The following DGKG variants were observed in gnomAD, a reference collection of about 807,000 sequenced individuals.
DGKG encodes the protein diacylglycerol kinase gamma.
Under a neutral mutation model 105.3 loss-of-function variants are expected in DGKG, and 78 were observed. That is an observed-to-expected ratio of 0.74 (90% CI 0.62 to 0.89). The LOEUF (loss-of-function observed/expected upper bound fraction) is 0.89. Among genes scored for constraint, DGKG ranks in the 40% least tolerant of loss-of-function variants. DGKG has a pLI of 0.00. For missense variants in DGKG, 958 were observed against 1,020.1 expected, an observed-to-expected ratio of 0.94 and a Z score of 0.83; for synonymous variants, 346 against 367.1, an observed-to-expected ratio of 0.94 and a Z score of 0.66.
At chr3:186,355,861 G>C (rs1006206203) in intron 1 of DGKG, among the ~76,000 whole-genome samples, 3 of 152,208 alleles carry the variant, frequency 2.0e-5, no homozygotes, top group African/African-American at 7.2e-5. Context: ...AGGGACTGAT[G>C]TTAATTCCAG....
intron 1 of DGKG, among the ~76,000 whole-genome samples, chr3:186,350,603 C>G (rs1430196652): frequency 1.3e-5 from 2 of 152,116 alleles, no homozygotes; most frequent in Non-Finnish European, 2.9e-5. Flanking sequence ...GGAGTATATA[C>G]CCAGATGTGT....
chr3:186,234,265 C>G (rs1296677178), intron 20 of DGKG, among the ~76,000 whole-genome samples: 1 of 152,196 alleles, frequency 6.6e-6, no homozygotes, highest in Non-Finnish European at 1.5e-5. Flanking sequence ...CCAGATTCAG[C>G]CTTTTGCTCG....
At chr3:186,314,748 C>G (rs554342999) in intron 2 of DGKG, among the ~76,000 whole-genome samples, 1 of 133,368 alleles carries the variant, frequency 7.5e-6, no homozygotes, top group Non-Finnish European at 1.6e-5. Flanking sequence ...AGTAAGACTC[C>G]GTCTCAAAAA....
rs202120237 is a variant in DGKG, at chr3:186,261,766, G to T, written c.1282C>A (p.Pro428Thr). The T allele has an allele frequency of 2.2e-5, 36 of 1,602,382 alleles. No homozygotes were observed. In the African/African-American group the frequency reaches 4.7e-4, roughly 21 times the overall value. Residue 428 changes from proline (P) to threonine (T), a missense_variant, in exon 15 of 25, where the codon CCC becomes ACC. Pro to Thr is a conservative substitution (Grantham distance 38). Around this residue, in one of 2 missense-constraint regions of DGKG, gnomAD observed 643 missense variants for 619.5 expected, o/e 1.04. Coordinates refer to ENST00000265022, the MANE Select transcript of DGKG (RefSeq NM_001346.3). ...GELVMQYKIIPTPGTHPLLVL... is the reference protein window; with the variant it reads ...GELVMQYKIITTPGTHPLLVL... ...AGCAGGGGGTGGGTACCCGGGGTGGGGATGATCTTATACTTGAAAGGTAAA... is the reference window on the plus strand; with the variant it reads ...AGCAGGGGGTGGGTACCCGGGGTGGTGATGATCTTATACTTGAAAGGTAAA...
At chr3:186,330,257 A>G (rs1055547063) in intron 1 of DGKG, among the ~76,000 whole-genome samples, 4 of 149,886 alleles carry the variant, frequency 2.7e-5, no homozygotes, top group African/African-American at 5.1e-5. Flanking sequence ...ATAAAGTTAT[A>G]ACAGATATAG....
intron 21 of DGKG, among the ~76,000 whole-genome samples, chr3:186,202,706 G>C (rs555753920): frequency 6.6e-6 from 1 of 152,352 alleles, no homozygotes; most frequent in Non-Finnish European, 1.5e-5. Context: ...AGTTGGCTGA[G>C]AGGATCTTCC....
intron 21 of DGKG, among the ~76,000 whole-genome samples, chr3:186,208,087 G>T (rs1718841372): frequency 1.3e-5 from 2 of 151,650 alleles, no homozygotes; most frequent in East Asian, 3.9e-4. Flanking sequence ...TGTTCCCCAG[G>T]CTGGAGTGCA....
Position 186,194,803 on chromosome 3 carries a change from T to TAAAAAAAAAAAAA in DGKG, c.1918-6437_1918-6425dup, listed in dbSNP as rs57878064. Among the ~76,000 whole-genome samples the TAAAAAAAAAAAAA allele has an allele frequency of 1.4e-3, 143 of 105,376 alleles. 2 individuals carry two copies. The highest frequency in any genetic ancestry group is 4.8e-3 in the African/African-American group (135 of 27,904). 69.1% of individuals were successfully genotyped at this position (105,376 alleles called of 152,430 possible). On this transcript the variant is annotated intron_variant, in intron 21 of 24. Coordinates refer to ENST00000265022, the MANE Select transcript of DGKG (RefSeq NM_001346.3). ...CCACGACTCTTTCTTGGTCTTTCTT[T>TAAAAAAAAAAAAA]AAAAAAAAAAAAAAAAAAAGCCGGG...
chr3:186,317,678 C>T (rs1205837075), intron 2 of DGKG, among the ~76,000 whole-genome samples: 1 of 152,146 alleles, frequency 6.6e-6, no homozygotes, highest in African/African-American at 2.4e-5. Context: ...AGTCTGGAAA[C>T]AATGCGTGCA....
rs1718958775 is a variant in DGKG at position 186,210,085 on chromosome 3, T to G, written c.1917+1710A>C. Among the ~76,000 whole-genome samples, 1 of 152,054 alleles carries G rather than the reference T, an allele frequency of 6.6e-6. No homozygotes were observed. On this transcript the variant is annotated intron_variant, in intron 21 of 24. Transcript: ENST00000265022. The surrounding 1 kb of genome is among the most constrained non-coding windows in gnomAD (Gnocchi z 5.2). ...GCGGTTGAGGAAGAGCCTCTGTCTC[T>G]CAAACCCAGAGGGGACTGTGGGGCC... is the stretch of plus-strand genomic sequence containing the variant.
intron 20 of DGKG, among the ~76,000 whole-genome samples, chr3:186,216,402 C>G (rs1719295501): frequency 6.6e-6 from 1 of 152,124 alleles, no homozygotes; most frequent in Non-Finnish European, 1.5e-5. Flanking sequence ...TATTTCTCCT[C>G]TTTTAACTCA....
chr3:186,192,157 T>C (rs2268854), intron 21 of DGKG, among the ~76,000 whole-genome samples: 72,812 of 152,006 alleles, frequency 0.48, 20,483 homozygotes, highest in East Asian at 0.74. Context: ...TACAGGTGCC[T>C]GTCACCACGC....
intron 1 of DGKG, among the ~76,000 whole-genome samples, chr3:186,351,916 C>T (rs888908312): frequency 1.3e-5 from 2 of 152,172 alleles, no homozygotes; most frequent in South Asian, 2.1e-4. Context: ...TTTGAGAAAT[C>T]GCTGAATGTT....
intron 1 of DGKG, among the ~76,000 whole-genome samples, chr3:186,346,682 T>TATA (rs376095096): frequency 6.6e-6 from 1 of 152,182 alleles, no homozygotes; most frequent in African/African-American, 2.4e-5. Context: ...TATACTATAC[T>TATA]CAGTTTTATT....
At chr3:186,262,345 C>A (rs1721818647) in intron 14 of DGKG, among the ~76,000 whole-genome samples, 1 of 152,148 alleles carries the variant, frequency 6.6e-6, no homozygotes, top group Admixed American at 6.5e-5. Context: ...TGAAACTCGG[C>A]CTTTCTCTTG....
chr3:186,200,163 T>G (rs1718378837), intron 21 of DGKG, among the ~76,000 whole-genome samples: 1 of 152,184 alleles, frequency 6.6e-6, no homozygotes. Flanking sequence ...TGAGGCTGTT[T>G]AGCTCAGTGA....
Position 186,147,382 on chromosome 3 carries a change from C to G in DGKG, c.*2708G>C. ...TAAGCCTTGTTCTCCTCATTGAGAT[C>G]GAGATAATAATACCTTCTCTGCTAA... On this transcript the variant is annotated 3_prime_UTR_variant, in exon 25 of 25. Transcript: ENST00000265022. The G allele has an allele frequency of 7.2e-6, 7 of 978,880 alleles. No homozygotes were observed. Among genetic ancestry groups the G allele is most frequent in the Non-Finnish European group, 8.5e-6 (7 of 823,698 alleles). The allele number at this position is 978,880 out of a possible 1,614,324, so 60.6% of individuals were successfully genotyped here.
chr3:186,206,496 T>C (rs1170898380), intron 21 of DGKG, among the ~76,000 whole-genome samples: 1 of 152,194 alleles, frequency 6.6e-6, no homozygotes, highest in East Asian at 1.9e-4. Flanking sequence ...TTGAAGCCTG[T>C]CTGGTTTGCT....
chr3:186,263,246 A>T (rs1431194466), intron 14 of DGKG, among the ~76,000 whole-genome samples: 1 of 152,154 alleles, frequency 6.6e-6, no homozygotes, highest in Non-Finnish European at 1.5e-5. Context: ...TCCCTTCATC[A>T]TTGCAACTAA....
Sources: allele counts gnomAD v4.1 joint callset (sites outside exome capture counted in the v4.1 genomes callset), GRCh38; gene constraint gnomAD v4.1.1; regional missense constraint gnomAD v4.1.1; non-coding constraint Gnocchi (gnomAD v3.1); transcripts MANE v1.5; gene names NCBI Gene and HGNC (gene_info 2026-07-23, HGNC 2026-07-21).